The following TRIM24 variants were observed in gnomAD, a reference collection of about 807,000 sequenced individuals.
TRIM24 encodes tripartite motif containing 24, also known as transcription intermediary factor 1-alpha.
In TRIM24, 29 loss-of-function variants were observed where a neutral mutation model predicts 123.9. The ratio of observed to expected loss-of-function variants is 0.23; its 90% CI spans 0.17 to 0.32. TRIM24 has a LOEUF of 0.32. TRIM24 is among the 10% of genes least tolerant of loss of function. The probability of loss-of-function intolerance (pLI) is 1.00; values close to 1 mark genes in which losing one functional copy is unlikely to be tolerated. For missense variants in TRIM24, 932 were observed against 1,295.3 expected (o/e 0.72, Z 4.31); for synonymous variants, 456 against 461.1 (o/e 0.99, Z 0.14).
At chr7:138,470,052 C>T (rs1795236506) in intron 1 of TRIM24, among the ~76,000 whole-genome samples, 1 of 151,692 alleles carries the variant, frequency 6.6e-6, no homozygotes, top group South Asian at 2.1e-4. Context: ...TAACTGTACA[C>T]AGCTGCCCTA....
intron 10 of TRIM24, 40 bp downstream of exon 10, chr7:138,567,694 G>T: frequency 6.6e-7 from 1 of 1,505,352 alleles, no homozygotes; most frequent in South Asian, 1.4e-5. Flanking sequence ...TTTTTCTGCT[G>T]CTTTCTACTT....
chr7:138,576,239 A>G (rs1391422575), intron 12 of TRIM24, 134 bp from the exon 13 acceptor site: 3 of 826,332 alleles, frequency 3.6e-6, no homozygotes, highest in African/African-American at 3.4e-5. Flanking sequence ...CTGAAAATTC[A>G]GCAACTACTT....
intron 1 of TRIM24, among the ~76,000 whole-genome samples, chr7:138,491,708 C>T (rs913975594): frequency 5.3e-5 from 8 of 152,190 alleles, no homozygotes; most frequent in Non-Finnish European, 7.3e-5. Context: ...AGTAGAATGG[C>T]TGTTAGCTTT....
chr7:138,578,563 T>TGTGTGCGTGC (rs145011901), intron 14 of TRIM24, among the ~76,000 whole-genome samples: 3 of 144,990 alleles, frequency 2.1e-5, no homozygotes, highest in Non-Finnish European at 4.5e-5. Context: ...TGTGTGTGTG[T>TGTGTGCGTGC]GCGCGCACGC....
intron 1 of TRIM24, 183 bp downstream of exon 1, chr7:138,461,095 G>A: frequency 1.3e-6 from 1 of 754,196 alleles, no homozygotes; most frequent in Non-Finnish European, 2.3e-6. Context: ...GGCGTGTCGC[G>A]CTCGGCCAGC....
chr7:138,568,114 ATTTTTATT>A (rs771719071), intron 10 of TRIM24, among the ~76,000 whole-genome samples: 129 of 151,876 alleles, frequency 8.5e-4, no homozygotes, highest in Non-Finnish European at 1.5e-3. Flanking sequence ...CAGCTTATTT[ATTTTTATT>A]TTTTTATTTT....
At chr7:138,521,126 C>T (rs905037738) in intron 4 of TRIM24, among the ~76,000 whole-genome samples, 1 of 152,132 alleles carries the variant, frequency 6.6e-6, no homozygotes, top group South Asian at 2.1e-4. Context: ...GGTTGAAAAA[C>T]GTTTCAGGCA....
intron 1 of TRIM24, among the ~76,000 whole-genome samples, chr7:138,481,813 C>CA (rs948510003): frequency 1.8e-4 from 26 of 148,134 alleles, no homozygotes; most frequent in African/African-American, 4.2e-4. Flanking sequence ...ACCCTGTCTC[C>CA]AAAAAAAAAG....
chr7:138,525,936 T>G (rs1382364720), intron 5 of TRIM24, among the ~76,000 whole-genome samples: 1 of 152,166 alleles, frequency 6.6e-6, no homozygotes, highest in Non-Finnish European at 1.5e-5. Context: ...CATCAGTGAT[T>G]AGGGAGAACC....
chr7:138,584,874 G>A lies in TRIM24; in HGVS notation c.3076G>A (p.Asp1026Asn). 1 of 1,613,812 alleles carries A rather than the reference G, an allele frequency of 6.2e-7. No homozygotes were observed. The highest frequency in any genetic ancestry group is 8.5e-7 in the Non-Finnish European group (1 of 1,179,848). ...RNESEDNKFS[D>N]DSDDDFVQPR... is the part of the protein sequence containing the mutation. ...TGAATCAGAAGATAATAAATTTAGTGATGATTCAGATGATGACTTTGTACA... is the reference window on the plus strand; with the variant it reads ...TGAATCAGAAGATAATAAATTTAGTAATGATTCAGATGATGACTTTGTACA... The change falls in exon 19 of 19, where the codon GAT (aspartate) becomes AAT (asparagine). Residue 1026 changes from aspartate to asparagine, a missense_variant. Asp to Asn is a conservative substitution (Grantham distance 23). Coordinates refer to ENST00000343526, the MANE Select transcript of TRIM24 (RefSeq NM_015905.3).
intron 3 of TRIM24, among the ~76,000 whole-genome samples, chr7:138,517,360 G>GTGTTT (rs574134474): frequency 3.3e-4 from 50 of 151,760 alleles, no homozygotes; most frequent in Admixed American, 5.9e-4. Flanking sequence ...TTGTGTGTGT[G>GTGTTT]TGTTTTGTTT....
At position 138,460,494 on chromosome 7, in the gene TRIM24, G is replaced by GGGC. The variant is rs1461868977; in HGVS notation, c.-49_-47dup. ...CGCAGGAGGAGGAGGAGGTCGTCGG[G>GGGC]GGCGGCGGGCGGAGACCGCGCTCTC... On this transcript the variant is annotated 5_prime_UTR_variant, in exon 1 of 19. Transcript: ENST00000343526. 2 of 1,256,456 alleles carry GGGC rather than the reference G, an allele frequency of 1.6e-6. No individual in the cohort carries two copies. The highest frequency in any genetic ancestry group is 2.0e-6 in the Non-Finnish European group (2 of 1,004,726). The allele number at this position is 1,256,456 out of a possible 1,614,324, so 77.8% of individuals were successfully genotyped here.
rs1389711931 is a variant in TRIM24, at chr7:138,460,352, G to T, written c.-197G>T. 4.3e-6 allele frequency: 2 copies of T among 470,464 alleles called. No individual in the cohort carries two copies. The highest frequency in any genetic ancestry group is 4.0e-5 in the African/African-American group (2 of 49,578). 29.1% of individuals were successfully genotyped at this position (470,464 alleles called of 1,614,324 possible). ...CTCCGCTGACAGATACCCTCCTTCC[G>T]GCCGCGCCACTCGGGAGGCGGATCC... On this transcript the variant is annotated 5_prime_UTR_variant, in exon 1 of 19. Transcript: ENST00000343526.
chr7:138,504,933 G>T (rs113764872), intron 2 of TRIM24, among the ~76,000 whole-genome samples: 14,241 of 151,720 alleles, frequency 0.094, 976 homozygotes, highest in Non-Finnish European at 0.14. Flanking sequence ...GCTAATTTTT[G>T]TATTTTTAGT....
chr7:138,571,780 A>G (rs1422464694), intron 11 of TRIM24, among the ~76,000 whole-genome samples: 1 of 152,150 alleles, frequency 6.6e-6, no homozygotes, highest in Admixed American at 6.5e-5. Flanking sequence ...TATGTTACCC[A>G]GGCTGGTCTT....
In TRIM24 at chr7:138,568,633, C is replaced by T. The variant is rs550967216; in HGVS notation, c.1704+979C>T. ...AACTCCTGGCCTCAAGTGATATGCC[C>T]GCCTCAGCCTCCCAAAGTGCTGGGA... On this transcript the variant is annotated intron_variant, in intron 10 of 18. Coordinates refer to ENST00000343526, the MANE Select transcript of TRIM24 (RefSeq NM_015905.3). 7.9e-5 allele frequency among the ~76,000 whole-genome samples: 12 copies of T among 151,794 alleles called. No individual in the cohort carries two copies. The South Asian group carries it at 1.2e-3, about 16-fold the overall frequency.
intron 1 of TRIM24, among the ~76,000 whole-genome samples, chr7:138,501,149 A>G (rs1796030030): frequency 6.6e-6 from 1 of 152,188 alleles, no homozygotes; most frequent in Admixed American, 6.5e-5. Flanking sequence ...CCCTAAACAC[A>G]TGAGTAATGC....
At chr7:138,538,539 G>A (rs547881299) in intron 6 of TRIM24, 118 bp from the exon 7 acceptor site, 2 of 1,149,386 alleles carry the variant, frequency 1.7e-6, no homozygotes, top group East Asian at 2.5e-5. Context: ...AGTATTTTTA[G>A]TTTCAGTAAA....
chr7:138,474,260 G>A (rs1795348737), intron 1 of TRIM24, among the ~76,000 whole-genome samples: 1 of 151,814 alleles, frequency 6.6e-6, no homozygotes, highest in African/African-American at 2.4e-5. Flanking sequence ...CAAGTAGCTG[G>A]GACTACAGGC....
Sources: allele counts gnomAD v4.1 joint callset (sites outside exome capture counted in the v4.1 genomes callset), GRCh38; gene constraint gnomAD v4.1.1; transcripts MANE v1.5; gene names NCBI Gene and HGNC (gene_info 2026-07-23, HGNC 2026-07-21).